Variants in ARB2A observed in about 807,000 individuals in gnomAD.
The protein encoded by ARB2A is cotranscriptional regulator ARB2A.
chr5:93,796,820 A>G, the ARB2A span, among the ~76,000 whole-genome samples: 2 of 152,192 alleles, frequency 1.3e-5, no homozygotes, highest in Non-Finnish European at 2.9e-5. Context: ...TTCTGAAATA[A>G]TGAAAGTCTG....
chr5:93,791,637 T>G, the ARB2A span, among the ~76,000 whole-genome samples: 1 of 152,204 alleles, frequency 6.6e-6, no homozygotes, highest in East Asian at 1.9e-4. Context: ...TTTCCTGTGC[T>G]TTGAAGCCCT....
the ARB2A span, among the ~76,000 whole-genome samples, chr5:93,874,204 C>T: frequency 6.6e-6 from 1 of 152,064 alleles, no homozygotes; most frequent in Non-Finnish European, 1.5e-5. Flanking sequence ...GGTCTTTGTC[C>T]CTGGTTCCTG....
At chr5:93,885,472 GATCAA>G in the ARB2A span, among the ~76,000 whole-genome samples, 1 of 151,448 alleles carries the variant, frequency 6.6e-6, no homozygotes, top group African/African-American at 2.4e-5. Flanking sequence ...AAGATAAAAT[GATCAA>G]ATCAATTATC....
At chr5:93,757,644 A>C in the ARB2A span, among the ~76,000 whole-genome samples, 1 of 152,320 alleles carries the variant, frequency 6.6e-6, no homozygotes, top group South Asian at 2.1e-4. Context: ...ATCACATATA[A>C]AAGATACAGT....
At chr5:94,045,235 A>C in the ARB2A span, among the ~76,000 whole-genome samples, 1 of 151,982 alleles carries the variant, frequency 6.6e-6, no homozygotes, top group South Asian at 2.1e-4. Flanking sequence ...AAATAACCAT[A>C]AAAATGGGCA....
the ARB2A span, among the ~76,000 whole-genome samples, chr5:93,678,365 G>C: frequency 0.078 from 11,822 of 152,228 alleles, 755 homozygotes; most frequent in South Asian, 0.33. Context: ...AAAATAGCAG[G>C]ACACCTAAGG....
the ARB2A span, among the ~76,000 whole-genome samples, chr5:93,856,222 A>T: frequency 1.3e-5 from 2 of 152,144 alleles, no homozygotes; most frequent in South Asian, 2.1e-4. Flanking sequence ...CCTTAACATT[A>T]TTTCCTTCAA....
chr5:93,694,293 C>T, the ARB2A span, among the ~76,000 whole-genome samples: 7 of 152,270 alleles, frequency 4.6e-5, no homozygotes, highest in Admixed American at 4.6e-4. Context: ...AAAACCCCAT[C>T]GTTTCAGCCC....
At chr5:93,835,733 T>C in the ARB2A span, among the ~76,000 whole-genome samples, 1 of 152,192 alleles carries the variant, frequency 6.6e-6, no homozygotes, top group Non-Finnish European at 1.5e-5. Flanking sequence ...TATGTGTACA[T>C]ACACACACAC....
chr5:93,729,573 T>C, the ARB2A span, among the ~76,000 whole-genome samples: 1 of 152,108 alleles, frequency 6.6e-6, no homozygotes, highest in Non-Finnish European at 1.5e-5. Flanking sequence ...AGCCCATATT[T>C]CAAATAATAT....
the ARB2A span, among the ~76,000 whole-genome samples, chr5:93,662,847 G>A: frequency 6.6e-6 from 1 of 152,230 alleles, no homozygotes; most frequent in South Asian, 2.1e-4. Flanking sequence ...CTGAGACTGA[G>A]TAATTTGAAA....
At chr5:93,894,678 T>C in the ARB2A span, among the ~76,000 whole-genome samples, 2 of 152,158 alleles carry the variant, frequency 1.3e-5, no homozygotes, top group Admixed American at 6.6e-5. Flanking sequence ...TGGTTTCTCA[T>C]CATCATCGCA....
chr5:93,857,376 C>T, the ARB2A span, among the ~76,000 whole-genome samples: 1 of 152,194 alleles, frequency 6.6e-6, no homozygotes, highest in Non-Finnish European at 1.5e-5. Context: ...TGTCTGTGCC[C>T]TGCCCCCAGA....
At chr5:94,086,063 G>C in the ARB2A span, among the ~76,000 whole-genome samples, 1 of 152,186 alleles carries the variant, frequency 6.6e-6, no homozygotes, top group African/African-American at 2.4e-5. Flanking sequence ...GTCAATGCAA[G>C]TTATTGATAG....
the ARB2A span, among the ~76,000 whole-genome samples, chr5:93,977,397 T>A: frequency 5.3e-5 from 8 of 152,086 alleles, no homozygotes; most frequent in Non-Finnish European, 7.4e-5. Flanking sequence ...CAAAACAGCA[T>A]GGTACTGGTA....
At chr5:94,073,357 A>T in the ARB2A span, among the ~76,000 whole-genome samples, 2 of 152,132 alleles carry the variant, frequency 1.3e-5, no homozygotes, top group Non-Finnish European at 2.9e-5. Flanking sequence ...GAAGTTAAGC[A>T]ACTTGCCCAT....
chr5:93,663,966 A>C, the ARB2A span, among the ~76,000 whole-genome samples: 1 of 151,842 alleles, frequency 6.6e-6, no homozygotes, highest in Non-Finnish European at 1.5e-5. Flanking sequence ...ATTTAATTTT[A>C]TTATAATAAG....
chr5:93,792,643 T>C, the ARB2A span, among the ~76,000 whole-genome samples: 25 of 135,414 alleles, frequency 1.8e-4, no homozygotes, highest in Admixed American at 5.3e-4. Flanking sequence ...TAGATGGGAA[T>C]TGAACAATGA....
chr5:93,866,267 T>C, the ARB2A span: 60 of 983,310 alleles, frequency 6.1e-5, no homozygotes, highest in Non-Finnish European at 6.8e-5. Context: ...TGAAGTACCG[T>C]TAATGTCACA....
Sources: gnomAD v4.1 joint callset for allele counts (sites outside exome capture counted in the v4.1 genomes callset) on GRCh38, gnomAD v4.1.1 for gene constraint, MANE v1.5 for transcripts, NCBI Gene and HGNC (gene_info 2026-07-23, HGNC 2026-07-21) for gene names.